GALNT12: variants seen among roughly 807,000 people sequenced by gnomAD.
GALNT12 encodes the protein UDP-GalNAc:polypeptide N-acetylgalactosaminyltransferase 12.
GALNT12 carries 45 observed loss-of-function variants against 55.5 expected under a neutral mutation model. The ratio of observed to expected loss-of-function variants is 0.81; its 90% CI spans 0.64 to 1.04. The LOEUF (loss-of-function observed/expected upper bound fraction) is 1.04. Ranked by LOEUF, GALNT12 falls within the 50% of genes least tolerant of loss-of-function variation. The probability of loss-of-function intolerance (pLI) is 0.00; values close to 1 mark genes in which losing one functional copy is unlikely to be tolerated. For missense variants in GALNT12, 709 were observed against 754.8 expected, an observed-to-expected ratio of 0.94 and a Z score of 0.71; for synonymous variants, 304 against 312.2, an observed-to-expected ratio of 0.97 and a Z score of 0.28.
chr9:98,844,650 GATCTGC>G (rs1370051819), intron 8 of GALNT12: 1 of 229,434 alleles, frequency 4.4e-6, no homozygotes, highest in Admixed American at 5.3e-5. Context: ...TAAAGTAACA[GATCTGC>G]ATTTCAGATG....
chr9:98,837,272 A>G, intron 6 of GALNT12, 124 bp downstream of exon 6: 1 of 901,144 alleles, frequency 1.1e-6, no homozygotes, highest in South Asian at 1.3e-5. Flanking sequence ...CTCAGATACG[A>G]GTAAGGGGAG....
At chr9:98,813,162 C>T (rs980708678) in intron 1 of GALNT12, among the ~76,000 whole-genome samples, 1 of 152,136 alleles carries the variant, frequency 6.6e-6, no homozygotes, top group Admixed American at 6.5e-5. Context: ...ATTGTTAGTC[C>T]TCAGTTTTCT....
intron 3 of GALNT12, 87 bp from the exon 4 acceptor site, chr9:98,831,685 G>A (rs1445497867): frequency 2.9e-5 from 41 of 1,431,362 alleles, no homozygotes; most frequent in Non-Finnish European, 3.9e-5. Context: ...TTGGAAGGAA[G>A]ACAAGAATTC....
chr9:98,830,473 C>T (rs971832661), intron 3 of GALNT12, among the ~76,000 whole-genome samples: 9 of 152,202 alleles, frequency 5.9e-5, no homozygotes, highest in African/African-American at 7.2e-5. Context: ...TCTCCAGCCA[C>T]GACTGGGAGT....
chr9:98,821,805 C>A (rs1835749191), intron 1 of GALNT12, among the ~76,000 whole-genome samples: 1 of 152,066 alleles, frequency 6.6e-6, no homozygotes, highest in Admixed American at 6.5e-5. Context: ...TCTCCTTCCC[C>A]CTCCCCACTC....
chr9:98,838,944 G>A (rs576483898), intron 6 of GALNT12, among the ~76,000 whole-genome samples: 3 of 152,256 alleles, frequency 2.0e-5, no homozygotes, highest in African/African-American at 4.8e-5. Flanking sequence ...ACTCTGCAGC[G>A]CACCTCTTGC....
chr9:98,828,576 C>G (rs1210302466), intron 3 of GALNT12, among the ~76,000 whole-genome samples: 1 of 152,212 alleles, frequency 6.6e-6, no homozygotes, highest in African/African-American at 2.4e-5. Context: ...GGACATGGGC[C>G]AGCCGCCTCC....
In GALNT12 at chr9:98,826,745, T is replaced by C. The variant is rs1323768878; in HGVS notation, c.542-7T>C. ...GGTGACCCCTGTTGCTTTGTTTGCC[T>C]CCCTAGAGCACCTGAAGGAGCGCTT... On this transcript the variant is annotated splice_polypyrimidine_tract_variant and splice_region_variant and intron_variant, in intron 2 of 9. Coordinates refer to ENST00000375011, the MANE Select transcript of GALNT12 (RefSeq NM_024642.5). 1.2e-6 allele frequency: 2 copies of C among 1,610,252 alleles called. No individual in the cohort carries two copies. The highest frequency in any genetic ancestry group is 1.7e-6 in the Non-Finnish European group (2 of 1,179,392).
intron 6 of GALNT12, among the ~76,000 whole-genome samples, chr9:98,839,682 T>C (rs953313072): frequency 3.9e-5 from 6 of 151,972 alleles, no homozygotes; most frequent in Non-Finnish European, 8.8e-5. Flanking sequence ...CCGGGATCCA[T>C]AGATGCCAGT....
In GALNT12 at chr9:98,837,021, G is replaced by T. The variant is rs1836169569; in HGVS notation, c.1085G>T (p.Gly362Val). 1 of 1,614,004 alleles carries T rather than the reference G, an allele frequency of 6.2e-7. No individual in the cohort carries two copies. The highest frequency in any genetic ancestry group is 8.5e-7 in the Non-Finnish European group (1 of 1,180,028). Residue 362 changes from glycine to valine, a missense_variant, in exon 6 of 10, where the codon GGC (glycine) becomes GTC (valine). This residue lies in a region of GALNT12 where 262 missense variants were observed against 310.7 expected (regional missense o/e 0.84). Coordinates refer to ENST00000375011, the MANE Select transcript of GALNT12 (RefSeq NM_024642.5). ...VLETHPCSHV[G>V]HVFPKQAPYS... ...GAAACACACCCATGTTCCCATGTTGGCCATGTTTTCCCCAAGCAAGCTCCC... is the reference window on the plus strand; with the variant it reads ...GAAACACACCCATGTTCCCATGTTGTCCATGTTTTCCCCAAGCAAGCTCCC...
chr9:98,839,941 C>A, intron 6 of GALNT12, 61 bp from the exon 7 acceptor site: 24 of 1,608,498 alleles, frequency 1.5e-5, no homozygotes, highest in Non-Finnish European at 2.0e-5. Flanking sequence ...TCAGTGAACA[C>A]AGGGGCTTTG....
At chr9:98,809,647 C>A (rs1483175392) in intron 1 of GALNT12, among the ~76,000 whole-genome samples, 1 of 152,204 alleles carries the variant, frequency 6.6e-6, no homozygotes, top group African/African-American at 2.4e-5. Flanking sequence ...AATAAAGCAT[C>A]AATACCTGGG....
At chr9:98,819,423 A>G (rs1835687984) in intron 1 of GALNT12, among the ~76,000 whole-genome samples, 1 of 152,190 alleles carries the variant, frequency 6.6e-6, no homozygotes, top group Non-Finnish European at 1.5e-5. Flanking sequence ...ACAACACCAG[A>G]GCTTTCATGC....
chr9:98,818,173 A>G (rs1835657311), intron 1 of GALNT12, among the ~76,000 whole-genome samples: 1 of 152,216 alleles, frequency 6.6e-6, no homozygotes, highest in South Asian at 2.1e-4. Context: ...ATGATATAAT[A>G]TCAAGTCCAG....
chr9:98,826,930 G>A lies in GALNT12; in HGVS notation c.720G>A (p.Pro240=), dbSNP rs927498431. 1.9e-6 allele frequency: 3 copies of A among 1,562,562 alleles called. No individual in the cohort carries two copies. Among genetic ancestry groups the A allele is most frequent in the South Asian group, 1.2e-5 (1 of 85,080 alleles). The stretch of plus-strand genomic sequence containing the variant: ...AGTGCCACGAAGGGTGGCTGGAGCC[G>A]CTGCTGCAGAGGTACGTGAGCCGCC... The part of the protein sequence containing the change: ...HCECHEGWLE[P]LLQRIHEEES... Residue 240 remains proline (P), a synonymous_variant, in exon 3 of 10, where the codon CCG becomes CCA. Coordinates refer to ENST00000375011, the MANE Select transcript of GALNT12 (RefSeq NM_024642.5).
intron 9 of GALNT12, among the ~76,000 whole-genome samples, chr9:98,846,396 C>A (rs1836415169): frequency 6.6e-6 from 1 of 152,142 alleles, no homozygotes; most frequent in African/African-American, 2.4e-5. Flanking sequence ...CCCTTGCACC[C>A]CCATGAGCTG....
intron 3 of GALNT12, among the ~76,000 whole-genome samples, chr9:98,828,435 C>G (rs1223394309): frequency 6.6e-6 from 1 of 152,172 alleles, no homozygotes; most frequent in African/African-American, 2.4e-5. Flanking sequence ...AATGGGCTCC[C>G]CTTCCTTCGT....
chr9:98,827,346 A>G (rs1338056962), intron 3 of GALNT12, among the ~76,000 whole-genome samples: 1 of 151,910 alleles, frequency 6.6e-6, no homozygotes. Context: ...GATTACAGGC[A>G]TGCACCACCA....
intron 7 of GALNT12, among the ~76,000 whole-genome samples, chr9:98,840,748 G>A (rs1367600811): frequency 6.6e-6 from 1 of 152,086 alleles, no homozygotes; most frequent in Non-Finnish European, 1.5e-5. Flanking sequence ...ATATAGAAAT[G>A]CAGAGAGAAT....
Sources: allele counts gnomAD v4.1 joint callset (sites outside exome capture counted in the v4.1 genomes callset), GRCh38; gene constraint gnomAD v4.1.1; regional missense constraint gnomAD v4.1.1; transcripts MANE v1.5; gene names NCBI Gene and HGNC (gene_info 2026-07-23, HGNC 2026-07-21).